Variants in RABGAP1 observed in about 807,000 individuals in gnomAD.
The protein encoded by RABGAP1 is rab GTPase-activating protein 1.
In RABGAP1, 23 loss-of-function variants were observed where a neutral mutation model predicts 137.6. The observed-to-expected ratio is 0.17, with a 90% CI of 0.12 to 0.24. The LOEUF (loss-of-function observed/expected upper bound fraction) is 0.24, where lower values mean the gene tolerates loss of function less well. RABGAP1 is among the 10% of genes least tolerant of loss of function. The pLI is 1.00. For missense variants in RABGAP1, 906 were observed against 1,275.8 expected, an observed-to-expected ratio of 0.71 and a Z score of 4.42; for synonymous variants, 451 against 450.7, an observed-to-expected ratio of 1.00 and a Z score of -0.01.
At chr9:123,056,613 C>T (rs1006917325) in intron 13 of RABGAP1, among the ~76,000 whole-genome samples, 4 of 150,882 alleles carry the variant, frequency 2.7e-5, no homozygotes, top group African/African-American at 9.8e-5. Flanking sequence ...TTTTCCTAGG[C>T]AGAGGACCCT....
rs777375154 is a variant in RABGAP1 at position 122,990,157 on chromosome 9, C to T, written c.867C>T (p.Ile289=). 3.1e-6 allele frequency: 5 copies of T among 1,612,052 alleles called. No homozygotes were observed. Among genetic ancestry groups the T allele is most frequent in the Non-Finnish European group, 3.4e-6 (4 of 1,178,172 alleles). Residue 289 remains isoleucine (I), a synonymous_variant, in exon 6 of 26, where the codon ATC becomes ATT. Transcript: ENST00000373647. ...TAAPQTPDSD[I]FTFSVSLEIK... ...CACCCCAGACTCCTGACAGTGACATCTTTACCTTCTCTGTGTCTTTAGAAA... is the reference window on the plus strand; with the variant it reads ...CACCCCAGACTCCTGACAGTGACATTTTTACCTTCTCTGTGTCTTTAGAAA...
At chr9:123,059,765 C>G (rs987404704) in intron 13 of RABGAP1, among the ~76,000 whole-genome samples, 15 of 152,118 alleles carry the variant, frequency 9.9e-5, no homozygotes, top group Non-Finnish European at 1.8e-4. Context: ...GCAAAGCGAC[C>G]CTTCACCAAA....
intron 19 of RABGAP1, among the ~76,000 whole-genome samples, chr9:123,079,082 G>A (rs1335878242): frequency 6.6e-6 from 1 of 152,042 alleles, no homozygotes; most frequent in African/African-American, 2.4e-5. Context: ...GAGATATTGT[G>A]TGTAAATAAT....
At chr9:122,935,589 C>G in the RABGAP1 span, among the ~76,000 whole-genome samples, 2 of 152,190 alleles carry the variant, frequency 1.3e-5, no homozygotes, top group Non-Finnish European at 2.9e-5. Context: ...GATCCACCCA[C>G]CTCGGCCTCC....
chr9:123,042,100 T>A (rs986659312), intron 13 of RABGAP1, among the ~76,000 whole-genome samples: 3 of 152,198 alleles, frequency 2.0e-5, no homozygotes, highest in Non-Finnish European at 4.4e-5. Context: ...CAAACATGAC[T>A]GCTGTAAGAA....
At chr9:122,990,423 A>G (rs1039243244) in intron 6 of RABGAP1, 1 of 343,076 alleles carries the variant, frequency 2.9e-6, no homozygotes, top group African/African-American at 2.2e-5. Flanking sequence ...CATATTGGGA[A>G]CATGTTGCTA....
At chr9:123,090,158 C>A in intron 20 of RABGAP1, 117 bp from the exon 21 acceptor site, 1 of 747,526 alleles carries the variant, frequency 1.3e-6, no homozygotes. Context: ...TCAGGTCCAG[C>A]CATTTCTCTT....
intron 1 of RABGAP1, among the ~76,000 whole-genome samples, chr9:122,956,715 T>C (rs934897108): frequency 3.3e-5 from 5 of 151,930 alleles, no homozygotes; most frequent in Non-Finnish European, 7.4e-5. Context: ...TTTTGGAGGC[T>C]AAGACTTGAA....
chr9:123,065,218 T>C (rs1588365453), intron 13 of RABGAP1, 130 bp from the exon 14 acceptor site: 3 of 648,218 alleles, frequency 4.6e-6, no homozygotes, highest in Middle Eastern at 5.5e-4. Context: ...GCAGTAACTA[T>C]GGGCATACAT....
intron 15 of RABGAP1, among the ~76,000 whole-genome samples, chr9:123,073,348 CAA>C (rs553201142): frequency 1.7e-3 from 263 of 152,268 alleles, no homozygotes; most frequent in Non-Finnish European, 2.8e-3. Flanking sequence ...ACCATACTGA[CAA>C]AGAGTAGTCA....
At chr9:123,092,882 G>C (rs931659455) in intron 21 of RABGAP1, among the ~76,000 whole-genome samples, 1 of 152,188 alleles carries the variant, frequency 6.6e-6, no homozygotes, top group African/African-American at 2.4e-5. Context: ...TGACACCAGA[G>C]CTCACCCTCC....
intron 10 of RABGAP1, among the ~76,000 whole-genome samples, chr9:123,004,612 C>T (rs1340350874): frequency 6.6e-6 from 1 of 152,118 alleles, no homozygotes; most frequent in Non-Finnish European, 1.5e-5. Flanking sequence ...TTTTTAGTAT[C>T]TGTTGGTGAT....
At chr9:122,970,837 T>C (rs1835430963) in intron 2 of RABGAP1, among the ~76,000 whole-genome samples, 1 of 152,234 alleles carries the variant, frequency 6.6e-6, no homozygotes, top group Admixed American at 6.5e-5. Flanking sequence ...CTAAGAAGTT[T>C]CCATTATAAA....
chr9:123,059,441 GC>G (rs1170142551), intron 13 of RABGAP1, among the ~76,000 whole-genome samples: 6 of 152,236 alleles, frequency 3.9e-5, no homozygotes, highest in South Asian at 4.2e-4. Flanking sequence ...TGTAGTCCCA[GC>G]TACTCAGGAG....
intron 10 of RABGAP1, among the ~76,000 whole-genome samples, chr9:123,008,907 A>G (rs2030551390): frequency 6.6e-6 from 1 of 152,204 alleles, no homozygotes; most frequent in Non-Finnish European, 1.5e-5. Flanking sequence ...TTTCTCTTGG[A>G]CAGAAATCAT....
At chr9:123,097,361 A>G (rs117478275) in intron 21 of RABGAP1, among the ~76,000 whole-genome samples, 1,645 of 152,314 alleles carry the variant, frequency 0.011, 8 homozygotes, top group Admixed American at 0.016. Context: ...AATGATGGCT[A>G]CCTTTTATTG....
chr9:123,103,005 C>T (rs745464740), intron 25 of RABGAP1, 86 bp from the exon 26 acceptor site: 1 of 1,510,862 alleles, frequency 6.6e-7, no homozygotes, highest in Admixed American at 2.1e-5. Flanking sequence ...AGTAAATAGA[C>T]TGCATTCTTG....
At chr9:123,082,001 G>C (rs982655664) in intron 19 of RABGAP1, among the ~76,000 whole-genome samples, 1 of 150,962 alleles carries the variant, frequency 6.6e-6, no homozygotes, top group Non-Finnish European at 1.5e-5. Flanking sequence ...TGGTGTGGCA[G>C]TATCTGAAAT....
chr9:123,045,426 A>G (rs2033161231), intron 13 of RABGAP1, among the ~76,000 whole-genome samples: 1 of 152,184 alleles, frequency 6.6e-6, no homozygotes, highest in East Asian at 1.9e-4. Context: ...CGTGGTATGT[A>G]TTCGTAGGAA....
Sources: allele counts gnomAD v4.1 joint callset (sites outside exome capture counted in the v4.1 genomes callset), GRCh38; gene constraint gnomAD v4.1.1; transcripts MANE v1.5; gene names NCBI Gene and HGNC (gene_info 2026-07-23, HGNC 2026-07-21).